ZNF343: variants seen among roughly 807,000 people sequenced by gnomAD.
ZNF343 encodes the protein zinc finger protein 343.
ZNF343 carries 11 observed loss-of-function variants against 13.8 expected under a neutral mutation model. That is an observed-to-expected ratio of 0.80 (90% CI 0.50 to 1.32). The LOEUF is 1.32. Among genes scored for constraint, ZNF343 ranks in the 40% most tolerant of loss-of-function variants. ZNF343 has a pLI of 0.00. For synonymous variants in ZNF343, 248 were observed against 260.0 expected (o/e 0.95, Z 0.44); for missense variants, 658 against 714.2 (o/e 0.92, Z 0.90).
intron 1 of ZNF343, among the ~76,000 whole-genome samples, chr20:2,523,446 T>C (rs2085791075): frequency 6.6e-6 from 1 of 152,160 alleles, no homozygotes; most frequent in Admixed American, 6.5e-5. Flanking sequence ...CGCAGGGAAT[T>C]CTTTCCTTTT....
Position 2,507,062 on chromosome 20 carries a change from C to T in ZNF343, c.-237+1819G>A, listed in dbSNP as rs573032476. On this transcript the variant is annotated intron_variant, in intron 1 of 5. Transcript: ENST00000278772. ...GGCAGATCACCTGAGGTCAGGAGTTCGAGACCAGCCTGACCAACATGGAGA... is the reference window on the plus strand; with the variant it reads ...GGCAGATCACCTGAGGTCAGGAGTTTGAGACCAGCCTGACCAACATGGAGA... Among the ~76,000 whole-genome samples the T allele has an allele frequency of 2.4e-4, 36 of 151,928 alleles. No individual in the cohort carries two copies. The South Asian group carries it at 6.0e-3, about 25-fold the overall frequency.
At chr20:2,485,089 C>T (rs1268723227) in intron 5 of ZNF343, among the ~76,000 whole-genome samples, 2 of 151,992 alleles carry the variant, frequency 1.3e-5, no homozygotes, top group Admixed American at 6.6e-5. Context: ...GGAGGGCTTC[C>T]GAATGTAGGA....
chr20:2,515,482 C>G (rs932904780), intron 1 of ZNF343, among the ~76,000 whole-genome samples: 4 of 152,130 alleles, frequency 2.6e-5, no homozygotes, highest in African/African-American at 7.2e-5. Flanking sequence ...AAAAAATATT[C>G]CAAAAAATAT....
intron 2 of ZNF343, among the ~76,000 whole-genome samples, chr20:2,494,579 G>C (rs761189248): frequency 4.6e-5 from 7 of 151,952 alleles, no homozygotes; most frequent in Non-Finnish European, 7.4e-5. Context: ...GACCAGTCTG[G>C]GCAACATAGC....
chr20:2,507,258 G>T lies in ZNF343; in HGVS notation c.-237+1623C>A, dbSNP rs2085676444. 1.0e-4 allele frequency among the ~76,000 whole-genome samples: 14 copies of T among 137,488 alleles called. No individual in the cohort carries two copies. In the South Asian group the frequency reaches 3.2e-3, roughly 31 times the overall value. 90.2% of individuals were successfully genotyped at this position (137,488 alleles called of 152,430 possible). A position where few individuals can be genotyped will look rare whatever the true frequency, so the allele number is the denominator to read the frequency against. On this transcript the variant is annotated intron_variant, in intron 1 of 5. Coordinates refer to ENST00000278772, the MANE Select transcript of ZNF343 (RefSeq NM_024325.6). ...CAGCCTGGGCAACAAGAGTGAAACT[G>T]TGTCTCAAAAAAAAAAAAAAAAAAA... is the stretch of plus-strand genomic sequence containing the variant.
intron 1 of ZNF343, among the ~76,000 whole-genome samples, chr20:2,514,489 A>G (rs1480258435): frequency 6.6e-6 from 1 of 152,260 alleles, no homozygotes; most frequent in Non-Finnish European, 1.5e-5. Flanking sequence ...ATAAGCAATT[A>G]TAGTGAATCA....
At chr20:2,512,695 A>G (rs1257350540), upstream of ZNF343, among the ~76,000 whole-genome samples, 1 of 152,194 alleles carries the variant, frequency 6.6e-6, no homozygotes, top group Non-Finnish European at 1.5e-5. Context: ...TATAAAAGCT[A>G]AAACTCTTAG....
intron 1 of ZNF343, among the ~76,000 whole-genome samples, chr20:2,504,274 C>A (rs2085618276): frequency 6.6e-6 from 1 of 152,162 alleles, no homozygotes; most frequent in Non-Finnish European, 1.5e-5. Context: ...GAAGTTGAAT[C>A]TCTGAATAGA....
intron 4 of ZNF343, 160 bp from the exon 5 acceptor site, chr20:2,492,985 C>T: frequency 1.0e-6 from 1 of 988,958 alleles, no homozygotes; most frequent in Non-Finnish European, 1.5e-6. Flanking sequence ...CTACTGTCTG[C>T]CTGGCTTTCT....
intron 1 of ZNF343, among the ~76,000 whole-genome samples, chr20:2,516,108 T>C (rs2085758108): frequency 6.6e-6 from 1 of 150,972 alleles, no homozygotes; most frequent in Admixed American, 6.6e-5. Context: ...ATTAGGGTGA[T>C]GATCAAGGTT....
intron 2 of ZNF343, among the ~76,000 whole-genome samples, chr20:2,497,496 G>A (rs182691735): frequency 7.2e-5 from 11 of 152,184 alleles, no homozygotes; most frequent in African/African-American, 2.7e-4. Flanking sequence ...AGAAGAGATC[G>A]ACCACAGGAA....
rs1189702623 is a variant in ZNF343, at chr20:2,518,683, A to G, written c.-347+5772T>C. Among the ~76,000 whole-genome samples, 1 of 152,040 alleles carries G rather than the reference A, an allele frequency of 6.6e-6. No individual in the cohort carries two copies. The highest frequency in any genetic ancestry group is 1.5e-5 in the Non-Finnish European group (1 of 68,008). On this transcript the variant is annotated intron_variant, in intron 1 of 6. Transcript: ENST00000358413. This position sits in a 1 kb window ranked among gnomAD's most constrained non-coding sequence, Gnocchi z 4.6. ...CACTTCCCTACACCACTTGCTTCAC[A>G]TCCACTCAATACCTATGCTCTGACA...
At chr20:2,510,163 A>G (rs2085729952), upstream of ZNF343, among the ~76,000 whole-genome samples, 1 of 151,894 alleles carries the variant, frequency 6.6e-6, no homozygotes, top group South Asian at 2.1e-4. Flanking sequence ...GGCTACTCCA[A>G]TTACCAGGTG....
chr20:2,511,704 CA>C (rs2085739878), upstream of ZNF343, among the ~76,000 whole-genome samples: 1 of 152,190 alleles, frequency 6.6e-6, no homozygotes, highest in Non-Finnish European at 1.5e-5. Context: ...GAAAATTTTG[CA>C]ATGTTTTACT....
chr20:2,483,734 A>G lies in ZNF343; in HGVS notation c.1227T>C (p.Tyr409=). The G allele has an allele frequency of 1.2e-6, 2 of 1,614,016 alleles. No individual in the cohort carries two copies. Among genetic ancestry groups the G allele is most frequent in the Non-Finnish European group, 1.7e-6 (2 of 1,179,954 alleles). Residue 409 remains tyrosine, a synonymous_variant, in exon 6 of 6, where the codon TAT becomes TAC. Coordinates refer to ENST00000278772, the MANE Select transcript of ZNF343 (RefSeq NM_024325.6). ...AGCCTCGCCCACACTCCCTGCAAAC[A>G]TAAGGCTTCTCCCCTGAGTGTATCC... is the stretch of plus-strand genomic sequence containing the variant. ...HQRIHSGEKP[Y]VCRECGRGFS...
At position 2,483,938 on chromosome 20, in the gene ZNF343, A is replaced by G; in HGVS notation, c.1023T>C (p.Asn341=). ...GQSFRSKSIL[N]RHQWTHSEEK... is the part of the protein sequence containing the mutation. The stretch of plus-strand genomic sequence containing the variant: ...CCTCTGAGTGAGTCCACTGATGTCT[A>G]TTGAGGATGGACTTACTTCTAAAGC... The change falls in exon 6 of 6, where the codon AAT becomes AAC. Residue 341 remains asparagine, a synonymous_variant. Transcript: ENST00000278772. 1.2e-6 allele frequency: 2 copies of G among 1,613,362 alleles called. No homozygotes were observed. Among genetic ancestry groups the G allele is most frequent in the Non-Finnish European group, 8.5e-7 (1 of 1,179,836 alleles).
At position 2,483,897 on chromosome 20, in the gene ZNF343, CAA is replaced by C; in HGVS notation, c.1062_1063del (p.Cys355GlnfsTer8). 6.2e-7 allele frequency: 1 copy of C among 1,614,222 alleles called. No homozygotes were observed. The highest frequency in any genetic ancestry group is 8.5e-7 in the Non-Finnish European group (1 of 1,180,030). ...GCTAAAGCCTCGCCCACACTCGCTGCAAACATAGGGCTTCTCCTCTGAGTGAG... is the reference window on the plus strand; with the variant it reads ...GCTAAAGCCTCGCCCACACTCGCTGCACATAGGGCTTCTCCTCTGAGTGAG... On this transcript the variant is annotated frameshift_variant, in exon 6 of 6. Transcript: ENST00000278772. LOFTEE classifies it low-confidence loss of function (END_TRUNC).
At chr20:2,523,833 A>G (rs939532947) in intron 1 of ZNF343, among the ~76,000 whole-genome samples, 4 of 151,774 alleles carry the variant, frequency 2.6e-5, no homozygotes, top group African/African-American at 9.7e-5. Flanking sequence ...GGGGCCCACC[A>G]CCACGCCTGG....
chr20:2,490,777 C>A (rs1191103898), intron 5 of ZNF343, among the ~76,000 whole-genome samples: 1 of 151,700 alleles, frequency 6.6e-6, no homozygotes, highest in Non-Finnish European at 1.5e-5. Flanking sequence ...AACAGTATGA[C>A]CAGAGAAAAA....
Sources: gnomAD v4.1 joint callset for allele counts (sites outside exome capture counted in the v4.1 genomes callset) on GRCh38, gnomAD v4.1.1 for gene constraint, Gnocchi (gnomAD v3.1) non-coding constraint, MANE v1.5 for transcripts, NCBI Gene and HGNC (gene_info 2026-07-23, HGNC 2026-07-21) for gene names.